Variants in ZNF423 observed in about 807,000 individuals in gnomAD.
ZNF423 encodes Ebf-associated zinc finger protein.
In ZNF423, 12 loss-of-function variants were observed where a neutral mutation model predicts 95.8. That is an observed-to-expected ratio of 0.13 (90% CI 0.08 to 0.20). The LOEUF (loss-of-function observed/expected upper bound fraction) is 0.20, where lower values mean the gene tolerates loss of function less well. ZNF423 is among the 10% of genes least tolerant of loss of function. The probability of loss-of-function intolerance (pLI) is 1.00; values close to 1 mark genes in which losing one functional copy is unlikely to be tolerated. For missense variants in ZNF423, 1,316 were observed against 1,737.1 expected (o/e 0.76, Z 4.31); for synonymous variants, 749 against 711.9 (o/e 1.05, Z -0.83).
chr16:49,852,113 G>C (rs1356738822), intron 1 of ZNF423, among the ~76,000 whole-genome samples: 1 of 151,978 alleles, frequency 6.6e-6, no homozygotes, highest in African/African-American at 2.4e-5. Flanking sequence ...GGAAACACGC[G>C]CAGTGTTCCC....
intron 3 of ZNF423, among the ~76,000 whole-genome samples, chr16:49,677,282 A>AAGGGAAGGGAAGGGAAGGGAAGGGAAGG (rs1567283965): frequency 6.1e-5 from 5 of 81,498 alleles, no homozygotes; most frequent in African/African-American, 9.0e-5. Context: ...AGAAGAGAAG[A>AAGGGAAGGGAAGGGAAGGGAAGGGAAGG]GAAGAGAAGA....
intron 5 of ZNF423, among the ~76,000 whole-genome samples, chr16:49,623,414 C>G (rs1022112373): frequency 6.6e-6 from 1 of 152,232 alleles, no homozygotes; most frequent in Non-Finnish European, 1.5e-5. Context: ...AGCTTCCAGG[C>G]TCTGCACTAA....
At chr16:49,501,085 G>A (rs755652812) in intron 7 of ZNF423, among the ~76,000 whole-genome samples, 17 of 152,162 alleles carry the variant, frequency 1.1e-4, no homozygotes, top group South Asian at 4.1e-4. Context: ...GAAAAAGAGC[G>A]GGTGAATTCC....
chr16:49,793,308 TG>T (rs1328332800), intron 1 of ZNF423, among the ~76,000 whole-genome samples: 1 of 152,108 alleles, frequency 6.6e-6, no homozygotes, highest in African/African-American at 2.4e-5. Context: ...AGGCACTCTC[TG>T]GGGGCCCAAG....
chr16:49,552,711 G>T (rs1374457603), intron 5 of ZNF423, among the ~76,000 whole-genome samples: 1 of 152,130 alleles, frequency 6.6e-6, no homozygotes, highest in Non-Finnish European at 1.5e-5. Flanking sequence ...ACAAGTGCAA[G>T]CGTGTCATTC....
At chr16:49,805,318 C>T (rs2034645290) in intron 1 of ZNF423, among the ~76,000 whole-genome samples, 1 of 152,212 alleles carries the variant, frequency 6.6e-6, no homozygotes, top group East Asian at 1.9e-4. Flanking sequence ...GTAGTGAGAA[C>T]ACACTGAGCC....
intron 5 of ZNF423, among the ~76,000 whole-genome samples, chr16:49,596,094 G>A (rs1449717231): frequency 2.6e-5 from 4 of 152,032 alleles, no homozygotes; most frequent in East Asian, 1.9e-4. Context: ...CAGTATTTTC[G>A]GTGAAATTAA....
At chr16:49,546,095 A>C (rs989864174) in intron 5 of ZNF423, among the ~76,000 whole-genome samples, 3 of 152,232 alleles carry the variant, frequency 2.0e-5, no homozygotes, top group Non-Finnish European at 4.4e-5. Flanking sequence ...CAGAATGAGA[A>C]CTGACCTCTG....
intron 5 of ZNF423, among the ~76,000 whole-genome samples, chr16:49,534,248 GTTTTTTTTTT>G (rs11322462): frequency 6.4e-4 from 91 of 142,816 alleles, no homozygotes; most frequent in African/African-American, 2.3e-3. Context: ...CTTTTTTTTT[GTTTTTTTTTT>G]TTTGTTTGCT....
chr16:49,851,268 C>T (rs1209575992), intron 1 of ZNF423, among the ~76,000 whole-genome samples: 2 of 152,170 alleles, frequency 1.3e-5, no homozygotes, highest in Non-Finnish European at 2.9e-5. Context: ...AGCATATACT[C>T]CCACCACCAC....
intron 5 of ZNF423, among the ~76,000 whole-genome samples, chr16:49,618,090 C>T (rs1254275053): frequency 2.0e-5 from 3 of 152,212 alleles, no homozygotes; most frequent in Non-Finnish European, 2.9e-5. Flanking sequence ...ACACTCAAGC[C>T]CACCAAACGT....
chr16:49,786,453 G>GC (rs2034316011), intron 2 of ZNF423, among the ~76,000 whole-genome samples: 1 of 152,356 alleles, frequency 6.6e-6, no homozygotes, highest in East Asian at 1.9e-4. Flanking sequence ...GGCCAAGAGG[G>GC]CCCCCCAAGA....
At chr16:49,720,713 G>T (rs78644830) in intron 3 of ZNF423, among the ~76,000 whole-genome samples, 2,792 of 152,298 alleles carry the variant, frequency 0.018, 76 homozygotes, top group African/African-American at 0.064. Flanking sequence ...TGACAATCTG[G>T]CATTTCATTG....
intron 1 of ZNF423, among the ~76,000 whole-genome samples, chr16:49,841,726 C>T (rs1279144823): frequency 6.6e-6 from 1 of 152,262 alleles, no homozygotes; most frequent in Non-Finnish European, 1.5e-5. Flanking sequence ...CTACTCCCCT[C>T]TCTGGCCTCC....
Position 49,490,666 on chromosome 16 carries a change from T to C in ZNF423, c.*609A>G, listed in dbSNP as rs1054618188. The C allele has an allele frequency of 3.9e-5, 6 of 154,622 alleles. No individual in the cohort carries two copies. Among genetic ancestry groups the C allele is most frequent in the South Asian group, 2.0e-4 (1 of 4,986 alleles). 9.6% of individuals were successfully genotyped at this position (154,622 alleles called of 1,614,324 possible). On this transcript the variant is annotated 3_prime_UTR_variant, in exon 8 of 8. Transcript: ENST00000563137. ...GTTACTGCAGTCAGATTAAGTCACATTTAAAAGCAGACCATCCAGTTGCAC... is the reference window on the plus strand; with the variant it reads ...GTTACTGCAGTCAGATTAAGTCACACTTAAAAGCAGACCATCCAGTTGCAC...
At chr16:49,681,517 G>C (rs558245599) in intron 3 of ZNF423, among the ~76,000 whole-genome samples, 19 of 152,242 alleles carry the variant, frequency 1.2e-4, no homozygotes, top group Non-Finnish European at 2.2e-4. Flanking sequence ...GGTGCTGGAA[G>C]GATGGACTGG....
At chr16:49,686,360 G>T (rs1003250395) in intron 3 of ZNF423, among the ~76,000 whole-genome samples, 1 of 152,132 alleles carries the variant, frequency 6.6e-6, no homozygotes, top group African/African-American at 2.4e-5. Context: ...TCTCACAGAG[G>T]CTCTGTCTTC....
intron 2 of ZNF423, among the ~76,000 whole-genome samples, chr16:49,764,951 G>A (rs1211424966): frequency 5.3e-5 from 8 of 150,018 alleles, no homozygotes; most frequent in East Asian, 2.0e-4. Flanking sequence ...TAGAGACGCG[G>A]TTTCACCATG....
chr16:49,612,359 A>G (rs1582362), intron 5 of ZNF423, among the ~76,000 whole-genome samples: 1 of 151,324 alleles, frequency 6.6e-6, no homozygotes, highest in Non-Finnish European at 1.5e-5. Context: ...AATATAATCC[A>G]CCATATTAAC....
Sources: allele counts gnomAD v4.1 joint callset (sites outside exome capture counted in the v4.1 genomes callset), GRCh38; gene constraint gnomAD v4.1.1; transcripts MANE v1.5; gene names NCBI Gene and HGNC (gene_info 2026-07-23, HGNC 2026-07-21).